Variants in KCTD18 observed in about 807,000 individuals in gnomAD.
KCTD18 encodes potassium channel tetramerization domain containing 18, also known as BTB/POZ domain-containing protein KCTD18.
Under a neutral mutation model 30.4 loss-of-function variants are expected in KCTD18, and 22 were observed. That is an observed-to-expected ratio of 0.72 (90% CI 0.52 to 1.03). KCTD18 has a LOEUF of 1.03. Among genes scored for constraint, KCTD18 ranks in the 50% least tolerant of loss-of-function variants. The pLI is 0.00. For synonymous variants in KCTD18, 186 were observed against 209.0 expected, an observed-to-expected ratio of 0.89 and a Z score of 0.95; for missense variants, 529 against 547.6, an observed-to-expected ratio of 0.97 and a Z score of 0.34.
Position 200,489,990 on chromosome 2 carries a change from A to G in KCTD18, c.*110T>C, listed in dbSNP as rs2087881058. On this transcript the variant is annotated 3_prime_UTR_variant, in exon 7 of 7. Coordinates refer to ENST00000359878, the MANE Select transcript of KCTD18 (RefSeq NM_152387.4). ...CACAATTCCAGGAACAGAATCCTCA[A>G]CATAAACCTAAGCTTCCCCTCTGCT... 2 of 1,164,166 alleles carry G rather than the reference A, an allele frequency of 1.7e-6. No individual in the cohort carries two copies. Among genetic ancestry groups the G allele is most frequent in the African/African-American group, 3.1e-5 (2 of 65,352 alleles). The allele number at this position is 1,164,166 out of a possible 1,614,324, so 72.1% of individuals were successfully genotyped here.
At position 200,490,668 on chromosome 2, in the gene KCTD18, T is replaced by C. The variant is rs539248170; in HGVS notation, c.765-52A>G. Reference sequence around the variant, plus strand: ...CCACATGTATAGTTTTAGTAACTCATGAAAACATCTCCCAAGTTTACCTTC... The same window carrying C: ...CCACATGTATAGTTTTAGTAACTCACGAAAACATCTCCCAAGTTTACCTTC... On this transcript the variant is annotated intron_variant, in intron 6 of 6. Coordinates refer to ENST00000359878, the MANE Select transcript of KCTD18 (RefSeq NM_152387.4). 3 of 1,502,450 alleles carry C rather than the reference T, an allele frequency of 2.0e-6. No individual in the cohort carries two copies. The African/African-American group carries it at 4.2e-5, about 21-fold the overall frequency. 93.1% of individuals were successfully genotyped at this position (1,502,450 alleles called of 1,614,324 possible). A position where few individuals can be genotyped will look rare whatever the true frequency, so the allele number is the denominator to read the frequency against.
chr2:200,504,460 A>G (rs1251059432), intron 3 of KCTD18, among the ~76,000 whole-genome samples: 3 of 125,890 alleles, frequency 2.4e-5, no homozygotes, highest in Non-Finnish European at 4.7e-5. Flanking sequence ...CTCTGCCTCA[A>G]AAAAAAAAAA....
chr2:200,489,973 C>G lies in KCTD18; in HGVS notation c.*127G>C. 1 of 998,700 alleles carries G rather than the reference C, an allele frequency of 1.0e-6. No individual in the cohort carries two copies. Among genetic ancestry groups the G allele is most frequent in the South Asian group, 2.0e-5 (1 of 51,056 alleles). 61.9% of individuals were successfully genotyped at this position (998,700 alleles called of 1,614,324 possible). ...CCTCCATTCCTAGCTCACACAATTC[C>G]AGGAACAGAATCCTCAACATAAACC... On this transcript the variant is annotated 3_prime_UTR_variant, in exon 7 of 7. Coordinates refer to ENST00000359878, the MANE Select transcript of KCTD18 (RefSeq NM_152387.4).
At chr2:200,495,406 A>C (rs547375962) in intron 5 of KCTD18, among the ~76,000 whole-genome samples, 31 of 152,336 alleles carry the variant, frequency 2.0e-4, no homozygotes, top group Middle Eastern at 3.4e-3. Context: ...ATGCCAGAGA[A>C]CATTTCTGTT....
chr2:200,490,350 T>C lies in KCTD18; in HGVS notation c.1031A>G (p.Gln344Arg). The change falls in exon 7 of 7, where the codon CAG (glutamine) becomes CGG (arginine). Residue 344 changes from glutamine (Q) to arginine (R), a missense_variant. Transcript: ENST00000359878. ...AGCGCTCGCAGCCCCAGGGGAAGCC[T>C]GAGGATGCCCAGGTGCCCCCGTGCC... ...LVGTGAPGHP[Q>R]ASPGAASAEN... 1 of 1,614,208 alleles carries C rather than the reference T, an allele frequency of 6.2e-7. No homozygotes were observed. Among genetic ancestry groups the C allele is most frequent in the East Asian group, 2.2e-5 (1 of 44,882 alleles).
chr2:200,491,205 G>A (rs367644455), intron 6 of KCTD18, among the ~76,000 whole-genome samples: 10 of 152,150 alleles, frequency 6.6e-5, no homozygotes, highest in South Asian at 2.1e-4. Context: ...ATTCGTTCAC[G>A]TGGGAGCTGG....
intron 1 of KCTD18, among the ~76,000 whole-genome samples, chr2:200,509,153 T>C (rs562111677): frequency 1.2e-4 from 19 of 152,146 alleles, no homozygotes; most frequent in Non-Finnish European, 2.4e-4. Context: ...ACAAAAACTC[T>C]ATTGGATGGG....
chr2:200,508,291 T>C (rs1178856769), intron 1 of KCTD18, among the ~76,000 whole-genome samples: 2 of 152,168 alleles, frequency 1.3e-5, no homozygotes, highest in East Asian at 3.8e-4. Flanking sequence ...CGTTTCACCA[T>C]ATTGGGCAGT....
rs1172659396 is a variant in KCTD18 at position 200,489,422 on chromosome 2, A to G, written c.*678T>C. On this transcript the variant is annotated 3_prime_UTR_variant, in exon 7 of 7. Transcript: ENST00000359878. ...GATATTTTAATAATTTACTTCAAAG[A>G]TATTATATAATTCTGATCCCAAGAG... The G allele has an allele frequency of 6.6e-6, 1 of 152,352 alleles. No individual in the cohort carries two copies. Among genetic ancestry groups the G allele is most frequent in the Non-Finnish European group, 1.5e-5 (1 of 68,038 alleles). 9.4% of individuals were successfully genotyped at this position (152,352 alleles called of 1,614,324 possible).
intron 5 of KCTD18, among the ~76,000 whole-genome samples, chr2:200,495,657 C>T (rs1292406473): frequency 1.3e-5 from 2 of 151,468 alleles, no homozygotes; most frequent in African/African-American, 2.4e-5. Context: ...GAAGCTGAAC[C>T]GCCTGCCACG....
chr2:200,494,795 T>C (rs886997884), intron 5 of KCTD18, among the ~76,000 whole-genome samples: 2 of 152,232 alleles, frequency 1.3e-5, no homozygotes, highest in Admixed American at 1.3e-4. Flanking sequence ...AGTCATAATC[T>C]GTAGACCACT....
chr2:200,497,827 T>C lies in KCTD18; in HGVS notation c.587A>G (p.Gln196Arg). Residue 196 changes from glutamine (Q) to arginine (R), a missense_variant, in exon 5 of 7, where the codon CAG becomes CGG. Gln to Arg is a conservative substitution (Grantham distance 43). Transcript: ENST00000359878. ...IFKREAGNNV[Q>R]YIWSYYSVAE... ...TACTGAATAATAGCTCCAAATGTAC[T>C]GAACATTATTTCCCGCCTCTCTAGA... 1 of 1,610,696 alleles carries C rather than the reference T, an allele frequency of 6.2e-7. No homozygotes were observed. The highest frequency in any genetic ancestry group is 1.3e-5 in the African/African-American group (1 of 74,954).
At chr2:200,508,710 C>T (rs546181265) in intron 1 of KCTD18, among the ~76,000 whole-genome samples, 31 of 152,102 alleles carry the variant, frequency 2.0e-4, no homozygotes, top group African/African-American at 6.8e-4. Flanking sequence ...GCAACAGAAA[C>T]CATTATGGGC....
intron 6 of KCTD18, 80 bp downstream of exon 6, chr2:200,493,091 TA>T: frequency 1.3e-6 from 1 of 780,480 alleles, no homozygotes; most frequent in Non-Finnish European, 2.3e-6. Flanking sequence ...CAAGAATTAT[TA>T]TTCATTTTCC....
chr2:200,501,693 T>A (rs1254495730), intron 3 of KCTD18, among the ~76,000 whole-genome samples: 1 of 148,078 alleles, frequency 6.8e-6, no homozygotes, highest in African/African-American at 2.5e-5. Flanking sequence ...TTGGTGGGAC[T>A]GTAAACTAGT....
chr2:200,499,280 G>A (rs1241983084), intron 3 of KCTD18, among the ~76,000 whole-genome samples, 196 bp from the exon 4 acceptor site: 1 of 151,952 alleles, frequency 6.6e-6, no homozygotes, highest in African/African-American at 2.4e-5. Flanking sequence ...GGGCAGGAAG[G>A]ACAATCACAA....
At chr2:200,507,119 C>T in intron 1 of KCTD18, 28 bp from the exon 2 acceptor site, 2 of 820,722 alleles carry the variant, frequency 2.4e-6, no homozygotes, top group Non-Finnish European at 1.9e-6. Context: ...GTCATCCCCG[C>T]CATTTCCAAC....
At chr2:200,499,842 A>G (rs58671975) in intron 3 of KCTD18, among the ~76,000 whole-genome samples, 51,785 of 146,856 alleles carry the variant, frequency 0.35, 10,123 homozygotes, top group East Asian at 0.61. Context: ...AGAATTTTAG[A>G]CCAATATCCT....
At chr2:200,505,643 T>G (rs2030145973) in intron 2 of KCTD18, among the ~76,000 whole-genome samples, 3 of 151,910 alleles carry the variant, frequency 2.0e-5, no homozygotes, top group African/African-American at 7.2e-5. Context: ...TATATGGAGG[T>G]TCTCACTAAA....
Sources: allele counts gnomAD v4.1 joint callset (sites outside exome capture counted in the v4.1 genomes callset), GRCh38; gene constraint gnomAD v4.1.1; transcripts MANE v1.5; gene names NCBI Gene and HGNC (gene_info 2026-07-23, HGNC 2026-07-21).